Variants in EXOC6B observed in about 807,000 individuals in gnomAD.
EXOC6B encodes SEC15 homolog B.
In EXOC6B, 54 loss-of-function variants were observed where a neutral mutation model predicts 113.5. The ratio of observed to expected loss-of-function variants is 0.48; its 90% CI spans 0.38 to 0.60. The LOEUF (loss-of-function observed/expected upper bound fraction) is 0.60. EXOC6B is among the 20% of genes least tolerant of loss of function. EXOC6B has a pLI of 0.00. For synonymous variants in EXOC6B, 357 were observed against 339.0 expected (o/e 1.05, Z -0.58); for missense variants, 797 against 977.5 (o/e 0.82, Z 2.46).
intron 17 of EXOC6B, among the ~76,000 whole-genome samples, chr2:72,466,938 T>G (rs1032646198): frequency 2.0e-5 from 3 of 152,212 alleles, no homozygotes; most frequent in African/African-American, 7.2e-5. Flanking sequence ...AATAGATCTC[T>G]TGAAATAATT....
At position 72,265,555 on chromosome 2, in the gene EXOC6B, C is replaced by A. The variant is rs200159361; in HGVS notation, c.2196+69392G>T. ...TACTGAGAATGATGATTTCCAATTT[C>A]ATCCATGTCCCTACAAACGACATGA... is the stretch of plus-strand genomic sequence containing the variant. On this transcript the variant is annotated intron_variant, in intron 20 of 21. Coordinates refer to ENST00000272427, the MANE Select transcript of EXOC6B (RefSeq NM_015189.3). Among the ~76,000 whole-genome samples the A allele has an allele frequency of 2.5e-4, 38 of 152,002 alleles. 1 individual carries two copies. The East Asian group carries it at 7.2e-3, about 29-fold the overall frequency.
chr2:72,434,929 A>G (rs1332926938), intron 18 of EXOC6B, among the ~76,000 whole-genome samples: 2 of 151,548 alleles, frequency 1.3e-5, no homozygotes, highest in African/African-American at 4.9e-5. Context: ...GATCTTAGTT[A>G]TTTGTTGTCT....
At chr2:72,464,963 GA>G (rs1697946829) in intron 18 of EXOC6B, 196 bp downstream of exon 18, 4 of 582,780 alleles carry the variant, frequency 6.9e-6, no homozygotes, top group Non-Finnish European at 3.0e-6. Context: ...ATTTTCAGAT[GA>G]AAAAAATGCA....
chr2:72,394,207 A>C (rs969585897), intron 18 of EXOC6B, among the ~76,000 whole-genome samples: 20 of 152,170 alleles, frequency 1.3e-4, no homozygotes, highest in Admixed American at 9.2e-4. Flanking sequence ...ATATTTGCTT[A>C]AAATGTAAGT....
chr2:72,485,781 A>T (rs1699393951), intron 16 of EXOC6B, among the ~76,000 whole-genome samples: 2 of 152,200 alleles, frequency 1.3e-5, no homozygotes. Flanking sequence ...AATCTAAATT[A>T]TACTAAAAGC....
intron 20 of EXOC6B, among the ~76,000 whole-genome samples, 176 bp from the exon 21 acceptor site, chr2:72,184,363 A>T (rs996657837): frequency 6.6e-6 from 1 of 152,230 alleles, no homozygotes; most frequent in African/African-American, 2.4e-5. Context: ...ATAAGTGAGT[A>T]AACATTAGAT....
At chr2:72,773,851 T>C (rs1281367047) in intron 1 of EXOC6B, among the ~76,000 whole-genome samples, 1 of 152,178 alleles carries the variant, frequency 6.6e-6, no homozygotes, top group Non-Finnish European at 1.5e-5. Flanking sequence ...TCACAATACA[T>C]GTAACTGGAA....
chr2:72,728,329 T>C (rs963694025), intron 5 of EXOC6B, among the ~76,000 whole-genome samples: 3 of 152,134 alleles, frequency 2.0e-5, no homozygotes, highest in African/African-American at 7.2e-5. Flanking sequence ...ATTTAACTAA[T>C]CCCTATGATA....
chr2:72,563,361 C>T (rs1161167071), intron 7 of EXOC6B, among the ~76,000 whole-genome samples: 1 of 152,158 alleles, frequency 6.6e-6, no homozygotes. Context: ...CTAATCTGTT[C>T]GTTTCAATAC....
chr2:72,274,133 T>C (rs776649777), intron 20 of EXOC6B, among the ~76,000 whole-genome samples: 8 of 152,132 alleles, frequency 5.3e-5, no homozygotes, highest in Non-Finnish European at 1.0e-4. Context: ...CTTCTAACTA[T>C]CTGAATGTGT....
chr2:72,465,302 T>G lies in EXOC6B; in HGVS notation c.1838A>C (p.Asn613Thr), dbSNP rs758239696. ...GAACTGGTCAATCTTCTGGTTTAAG[T>G]TGGTATAAATCTCTTCTTCAGCTGC... Reference protein sequence around the residue: ...RHAAEEEIYTNLNQKIDQFLQ... With the variant: ...RHAAEEEIYTTLNQKIDQFLQ... Residue 613 changes from asparagine (N) to threonine (T), a missense_variant, in exon 18 of 22, where the codon AAC (asparagine) becomes ACC (threonine). Coordinates refer to ENST00000272427, the MANE Select transcript of EXOC6B (RefSeq NM_015189.3). The G allele has an allele frequency of 1.9e-6, 3 of 1,605,604 alleles. No individual in the cohort carries two copies. The highest frequency in any genetic ancestry group is 2.6e-6 in the Non-Finnish European group (3 of 1,175,650).
intron 6 of EXOC6B, among the ~76,000 whole-genome samples, chr2:72,580,862 C>T (rs1705178885): frequency 6.6e-6 from 1 of 152,210 alleles, no homozygotes; most frequent in African/African-American, 2.4e-5. Context: ...TTGCTTTGTT[C>T]CTTCCATAGT....
intron 6 of EXOC6B, among the ~76,000 whole-genome samples, chr2:72,590,808 A>T (rs1705896659): frequency 6.6e-6 from 1 of 152,042 alleles, no homozygotes; most frequent in Non-Finnish European, 1.5e-5. Flanking sequence ...GTCATAGGAA[A>T]ATGGATAGCA....
chr2:72,822,002 T>C (rs1402881824), intron 1 of EXOC6B, among the ~76,000 whole-genome samples: 3 of 152,216 alleles, frequency 2.0e-5, no homozygotes. Context: ...TGTATTTCAA[T>C]ATTAAATTTT....
chr2:72,414,577 A>G (rs923221432), intron 18 of EXOC6B, among the ~76,000 whole-genome samples: 1 of 152,214 alleles, frequency 6.6e-6, no homozygotes, highest in African/African-American at 2.4e-5. Flanking sequence ...TTAATATGCT[A>G]AGAGAACAGC....
At chr2:72,549,088 A>G (rs1337923775) in intron 8 of EXOC6B, among the ~76,000 whole-genome samples, 1 of 152,110 alleles carries the variant, frequency 6.6e-6, no homozygotes, top group Non-Finnish European at 1.5e-5. Context: ...GTAGAAGGGA[A>G]AGAATGAGAG....
rs1275243031 is a variant in EXOC6B at position 72,823,474 on chromosome 2, AAAAACAAAAAAC to A, written c.113+2312_113+2323del. On this transcript the variant is annotated intron_variant, in intron 1 of 21. Transcript: ENST00000272427. The stretch of plus-strand genomic sequence containing the variant: ...AAAGTTTTAAGAAAAAAAAAAAAAA[AAAAACAAAAAAC>A]AAAAAAAAAGACAGTGGCCAGGCAC... 5.6e-4 allele frequency among the ~76,000 whole-genome samples: 65 copies of A among 116,826 alleles called. 9 individuals carry two copies. Among genetic ancestry groups the A allele is most frequent in the Admixed American group, 1.1e-3 (11 of 10,356 alleles). The allele number at this position is 116,826 out of a possible 152,430, so 76.6% of individuals were successfully genotyped here.
At chr2:72,225,925 A>C (rs1681208551) in intron 20 of EXOC6B, among the ~76,000 whole-genome samples, 1 of 152,210 alleles carries the variant, frequency 6.6e-6, no homozygotes, top group African/African-American at 2.4e-5. Context: ...CTGGATCAAA[A>C]GACATGCACA....
intron 20 of EXOC6B, among the ~76,000 whole-genome samples, chr2:72,270,085 G>T (rs1684392813): frequency 1.3e-5 from 2 of 152,084 alleles, no homozygotes; most frequent in African/African-American, 2.4e-5. Context: ...GTCTGGGTTA[G>T]CAGTCCCTAG....
Sources: gnomAD v4.1 joint callset for allele counts (sites outside exome capture counted in the v4.1 genomes callset) on GRCh38, gnomAD v4.1.1 for gene constraint, MANE v1.5 for transcripts, NCBI Gene and HGNC (gene_info 2026-07-23, HGNC 2026-07-21) for gene names.